Variants in COPZ1 observed in about 807,000 individuals in gnomAD.
The protein encoded by COPZ1 is coatomer subunit zeta-1.
COPZ1 carries 4 observed loss-of-function variants against 31.7 expected under a neutral mutation model. The ratio of observed to expected loss-of-function variants is 0.13; its 90% CI spans 0.06 to 0.29. The LOEUF (loss-of-function observed/expected upper bound fraction) is 0.29, where lower values mean the gene tolerates loss of function less well. COPZ1 is among the 10% of genes least tolerant of loss of function. The pLI, the probability that COPZ1 is intolerant of heterozygous loss-of-function variation, is 1.00. For missense variants in COPZ1, 156 were observed against 211.5 expected, an observed-to-expected ratio of 0.74 and a Z score of 1.63; for synonymous variants, 74 against 79.0, an observed-to-expected ratio of 0.94 and a Z score of 0.33.
intron 1 of COPZ1, 196 bp downstream of exon 1, chr12:54,325,377 A>AGAG: frequency 3.0e-6 from 2 of 677,514 alleles, no homozygotes; most frequent in Non-Finnish European, 4.9e-6. Flanking sequence ...CCTGCCGGGG[A>AGAG]GAGGGCATAG....
rs1953986597 is a variant in COPZ1, at chr12:54,342,368, G to A, written c.169+81G>A. On this transcript the variant is annotated intron_variant, in intron 3 of 8. Coordinates refer to ENST00000262061, the MANE Select transcript of COPZ1 (RefSeq NM_016057.3). ...GGGTGGTAACAGGGCTGCAGAGAAA[G>A]GATGAAATGACTCTGCCTTTTTCTT... 3 of 1,010,724 alleles carry A rather than the reference G, an allele frequency of 3.0e-6. No individual in the cohort carries two copies. In the African/African-American group the frequency reaches 4.8e-5, roughly 16 times the overall value. 62.6% of individuals were successfully genotyped at this position (1,010,724 alleles called of 1,614,324 possible).
chr12:54,341,273 A>C (rs1375616417), intron 2 of COPZ1, among the ~76,000 whole-genome samples: 1 of 151,976 alleles, frequency 6.6e-6, no homozygotes, highest in East Asian at 1.9e-4. Context: ...CCAGGTTTCC[A>C]TTCCTAGGTT....
chr12:54,329,775 T>TA (rs769541891), intron 1 of COPZ1, among the ~76,000 whole-genome samples: 9 of 152,148 alleles, frequency 5.9e-5, no homozygotes, highest in Non-Finnish European at 1.2e-4. Flanking sequence ...TAAGCCTCAT[T>TA]AAAAAATCAG....
intron 2 of COPZ1, among the ~76,000 whole-genome samples, chr12:54,340,875 A>G (rs972792854): frequency 2.0e-5 from 3 of 151,892 alleles, no homozygotes; most frequent in African/African-American, 7.2e-5. Flanking sequence ...AATTTTTTGT[A>G]TCTTTAGTAG....
At chr12:54,334,119 C>T (rs954359360) in intron 1 of COPZ1, among the ~76,000 whole-genome samples, 2 of 151,698 alleles carry the variant, frequency 1.3e-5, no homozygotes, top group Admixed American at 6.6e-5. Context: ...ATAGGCTGGG[C>T]GTGGTGGCTC....
Sources: gnomAD v4.1 joint callset for allele counts (sites outside exome capture counted in the v4.1 genomes callset) on GRCh38, gnomAD v4.1.1 for gene constraint, MANE v1.5 for transcripts, NCBI Gene and HGNC (gene_info 2026-07-23, HGNC 2026-07-21) for gene names.